CSMD2: variants seen among roughly 807,000 people sequenced by gnomAD.
The protein encoded by CSMD2 is CUB and Sushi multiple domains 2.
A neutral mutation model predicts 398.5 loss-of-function variants in CSMD2; 130 were observed. That is an observed-to-expected ratio of 0.33 (90% CI 0.28 to 0.38). The LOEUF (loss-of-function observed/expected upper bound fraction) is 0.38. CSMD2 is among the 10% of genes least tolerant of loss of function. The pLI, the probability that CSMD2 is intolerant of heterozygous loss-of-function variation, is 1.00. For synonymous variants in CSMD2, 1,828 were observed against 1,908.5 expected (o/e 0.96, Z 1.10); for missense variants, 3,829 against 4,764.9 (o/e 0.80, Z 5.78).
intron 13 of CSMD2, among the ~76,000 whole-genome samples, chr1:33,746,587 T>C (rs1216612613): frequency 6.6e-6 from 1 of 152,362 alleles, no homozygotes; most frequent in East Asian, 1.9e-4. Flanking sequence ...ATGATAGCTC[T>C]GCTTATCATT....
chr1:33,645,986 G>A (rs1310716442), intron 29 of CSMD2, among the ~76,000 whole-genome samples: 1 of 152,260 alleles, frequency 6.6e-6, no homozygotes, highest in East Asian at 1.9e-4. Flanking sequence ...GTAGGGCTGA[G>A]TAGTTGTGAT....
intron 5 of CSMD2, among the ~76,000 whole-genome samples, chr1:33,886,938 C>G (rs75864367): frequency 0.015 from 2,352 of 152,030 alleles, 52 homozygotes; most frequent in East Asian, 0.072. Context: ...GAAGAATTAG[C>G]TGCACATTTT....
intron 40 of CSMD2, among the ~76,000 whole-genome samples, chr1:33,612,495 A>T (rs1400204316): frequency 6.6e-6 from 1 of 152,208 alleles, no homozygotes; most frequent in African/African-American, 2.4e-5. Context: ...AAATGATATT[A>T]TACTGTACAT....
intron 41 of CSMD2, 135 bp downstream of exon 41, chr1:33,610,906 C>T (rs1640952921): frequency 1.3e-6 from 1 of 772,130 alleles, no homozygotes; most frequent in South Asian, 1.7e-5. Context: ...AGGAAGCTTC[C>T]CTGACTGGGC....
chr1:33,970,192 G>C (rs1468767341), intron 3 of CSMD2, among the ~76,000 whole-genome samples: 1 of 151,724 alleles, frequency 6.6e-6, no homozygotes, highest in Non-Finnish European at 1.5e-5. Context: ...TGGCTCCTTA[G>C]ATGAATGAAT....
Position 33,583,732 on chromosome 1 carries a change from G to A in CSMD2, c.7150C>T (p.Leu2384=). Residue 2384 remains leucine (L), a synonymous_variant, in exon 47 of 71, where the codon CTG becomes TTG. Transcript: ENST00000373381. The stretch of plus-strand genomic sequence containing the variant: ...TTATAGTCGGGCTCCACTCTCACCA[G>A]CCAAGAGCAGGTCTGGAACTGGGGA... ...SYPQFQTCSW[L]VRVEPDYNIS... is the part of the protein sequence containing the mutation. The A allele has an allele frequency of 6.2e-7, 1 of 1,614,232 alleles. No homozygotes were observed. Among genetic ancestry groups the A allele is most frequent in the Non-Finnish European group, 8.5e-7 (1 of 1,180,020 alleles).
At chr1:33,962,284 G>T (rs915969073) in intron 3 of CSMD2, among the ~76,000 whole-genome samples, 2 of 152,056 alleles carry the variant, frequency 1.3e-5, no homozygotes, top group Non-Finnish European at 2.9e-5. Context: ...CTGGGGAGGG[G>T]GAGCGAGTTC....
At chr1:34,055,244 A>G (rs1263631987) in intron 2 of CSMD2, among the ~76,000 whole-genome samples, 1 of 152,220 alleles carries the variant, frequency 6.6e-6, no homozygotes, top group Admixed American at 6.5e-5. Context: ...CTCTACGACA[A>G]TCAACACAGA....
chr1:33,758,072 C>A (rs767816043), intron 13 of CSMD2, among the ~76,000 whole-genome samples: 8 of 152,226 alleles, frequency 5.3e-5, no homozygotes, highest in Non-Finnish European at 8.8e-5. Context: ...CTCGTAGGGG[C>A]ACAAAAGACT....
chr1:33,599,383 A>G (rs971784956), intron 44 of CSMD2: 2 of 152,254 alleles, frequency 1.3e-5, no homozygotes, highest in African/African-American at 4.8e-5. Context: ...AATCATGACA[A>G]TGATGACTAT....
At chr1:34,064,180 CT>C (rs901948157) in intron 2 of CSMD2, among the ~76,000 whole-genome samples, 4 of 152,200 alleles carry the variant, frequency 2.6e-5, no homozygotes, top group African/African-American at 4.8e-5. Context: ...TTTCCATTGT[CT>C]TTGGGATTAA....
intron 12 of CSMD2, among the ~76,000 whole-genome samples, chr1:33,774,210 T>C (rs551056801): frequency 5.9e-4 from 90 of 151,920 alleles, no homozygotes; most frequent in Non-Finnish European, 8.5e-4. Context: ...TGTGACCATG[T>C]GCCAGGTGTG....
intron 25 of CSMD2, among the ~76,000 whole-genome samples, chr1:33,685,937 T>C (rs548197562): frequency 2.0e-5 from 3 of 152,230 alleles, no homozygotes; most frequent in East Asian, 1.9e-4. Flanking sequence ...AGGTAATCAT[T>C]GCATATTTTG....
chr1:33,570,329 G>C (rs1659480431), intron 51 of CSMD2, among the ~76,000 whole-genome samples: 1 of 118,686 alleles, frequency 8.4e-6, no homozygotes, highest in African/African-American at 3.1e-5. Context: ...CACCATGCTG[G>C]CTAATTTTTT....
chr1:33,983,712 T>G (rs1355846570), intron 3 of CSMD2, among the ~76,000 whole-genome samples: 1 of 151,998 alleles, frequency 6.6e-6, no homozygotes, highest in Admixed American at 6.6e-5. Flanking sequence ...GAGGACAGGA[T>G]CTCTGTAAAG....
upstream of CSMD2, chr1:34,165,796 G>C: frequency 6.2e-7 from 1 of 1,613,224 alleles, no homozygotes; most frequent in Non-Finnish European, 8.5e-7. Context: ...GGCCGGGGGC[G>C]ATGCTTATGA....
chr1:33,875,533 A>C (rs1226790896), intron 5 of CSMD2: 2 of 152,254 alleles, frequency 1.3e-5, no homozygotes, highest in South Asian at 2.1e-4. Context: ...GGGTTTGCTG[A>C]CTGGTGGCAG....
intron 6 of CSMD2, among the ~76,000 whole-genome samples, chr1:33,830,434 A>G (rs1183567649): frequency 5.9e-5 from 9 of 152,244 alleles, no homozygotes; most frequent in Admixed American, 5.2e-4. Flanking sequence ...ACTCCAACAG[A>G]CTTGCAGCTG....
chr1:33,970,683 G>A lies in CSMD2; in HGVS notation c.518-34729C>T, dbSNP rs188483955. Among the ~76,000 whole-genome samples, 13 of 152,340 alleles carry A rather than the reference G, an allele frequency of 8.5e-5. No homozygotes were observed. In the East Asian group the frequency reaches 2.3e-3, roughly 27 times the overall value. On this transcript the variant is annotated intron_variant, in intron 3 of 70. Transcript: ENST00000373381. ...CTTCAGGGCCTACCTGAGTCCAGGT[G>A]CGTGCAGGGACAGGGCTGGGCCCCT...
Sources: allele counts gnomAD v4.1 joint callset (sites outside exome capture counted in the v4.1 genomes callset), GRCh38; gene constraint gnomAD v4.1.1; transcripts MANE v1.5; gene names NCBI Gene and HGNC (gene_info 2026-07-23, HGNC 2026-07-21).